The following MBOAT2 variants were observed in gnomAD, a reference collection of about 807,000 sequenced individuals.
MBOAT2 encodes membrane-bound glycerophospholipid O-acyltransferase 2.
Under a neutral mutation model 63.4 loss-of-function variants are expected in MBOAT2, and 28 were observed. The ratio of observed to expected loss-of-function variants is 0.44; its 90% CI spans 0.33 to 0.61. The LOEUF (loss-of-function observed/expected upper bound fraction) is 0.61, where lower values mean the gene tolerates loss of function less well. MBOAT2 is among the 20% of genes least tolerant of loss of function. The pLI, the probability that MBOAT2 is intolerant of heterozygous loss-of-function variation, is 0.03. For synonymous variants in MBOAT2, 211 were observed against 215.6 expected (o/e 0.98, Z 0.19); for missense variants, 470 against 605.8 (o/e 0.78, Z 2.35).
intron 3 of MBOAT2, among the ~76,000 whole-genome samples, chr2:8,913,474 C>T (rs1454295266): frequency 6.6e-6 from 1 of 151,026 alleles, no homozygotes; most frequent in African/African-American, 2.4e-5. Flanking sequence ...CGAACTCAAT[C>T]AGTAAGAAAA....
At chr2:8,874,831 A>C (rs1662588766) in intron 7 of MBOAT2, among the ~76,000 whole-genome samples, 1 of 152,192 alleles carries the variant, frequency 6.6e-6, no homozygotes, top group Admixed American at 6.5e-5. Context: ...AAGTCTAGCT[A>C]AAGATGACAC....
intron 3 of MBOAT2, among the ~76,000 whole-genome samples, chr2:8,940,844 A>T (rs181219184): frequency 1.3e-5 from 2 of 152,346 alleles, no homozygotes; most frequent in East Asian, 1.9e-4. Context: ...AGATAAATTC[A>T]AATCTTTCAT....
intron 2 of MBOAT2, among the ~76,000 whole-genome samples, chr2:8,953,683 G>A (rs778250879): frequency 4.6e-5 from 7 of 152,180 alleles, no homozygotes; most frequent in South Asian, 2.1e-4. Flanking sequence ...CCAAAGACTC[G>A]TCTTCAAGCT....
intron 4 of MBOAT2, among the ~76,000 whole-genome samples, chr2:8,895,110 G>A (rs1334822219): frequency 1.3e-5 from 2 of 152,258 alleles, no homozygotes; most frequent in Non-Finnish European, 1.5e-5. Flanking sequence ...ATTGTGAAGA[G>A]CAAAAGAATA....
intron 3 of MBOAT2, among the ~76,000 whole-genome samples, chr2:8,927,543 C>T (rs1345892266): frequency 6.6e-6 from 1 of 152,094 alleles, no homozygotes; most frequent in South Asian, 2.1e-4. Context: ...TCTCAAACAC[C>T]GGGCAGCCCA....
At chr2:8,911,433 T>G (rs1048760541) in intron 3 of MBOAT2, among the ~76,000 whole-genome samples, 1 of 152,198 alleles carries the variant, frequency 6.6e-6, no homozygotes, top group Non-Finnish European at 1.5e-5. Context: ...CTGTTGCACA[T>G]GTCTAACTCT....
At chr2:9,000,361 T>TGCTC (rs1672597873) in intron 1 of MBOAT2, among the ~76,000 whole-genome samples, 1 of 152,238 alleles carries the variant, frequency 6.6e-6, no homozygotes, top group Non-Finnish European at 1.5e-5. Context: ...TGCTCAACTT[T>TGCTC]AAAATAATGG....
Position 8,982,289 on chromosome 2 carries a change from C to T in MBOAT2, c.75+21251G>A, listed in dbSNP as rs78377840. ...ACGAGTAGGTAAGACCTGGAGAAAG[C>T]TGTACTACACTTCACAAAAAAATAT... On this transcript the variant is annotated intron_variant, in intron 1 of 12. Coordinates refer to ENST00000305997, the MANE Select transcript of MBOAT2 (RefSeq NM_138799.4). Among the ~76,000 whole-genome samples, 1,099 of 152,262 alleles carry T rather than the reference C, an allele frequency of 7.2e-3. 12 individuals are homozygous for T. Among genetic ancestry groups the T allele is most frequent in the South Asian group, 0.02 (98 of 4,830 alleles).
chr2:8,860,908 C>T (rs1661446914), intron 11 of MBOAT2, 144 bp from the exon 12 acceptor site: 1 of 623,570 alleles, frequency 1.6e-6, no homozygotes, highest in African/African-American at 1.9e-5. Flanking sequence ...TACACTGCTA[C>T]TATGGATAAA....
chr2:8,918,244 GAAAC>G lies in MBOAT2; in HGVS notation c.300-9532_300-9529del, dbSNP rs573982137. 6.5e-4 allele frequency among the ~76,000 whole-genome samples: 99 copies of G among 152,288 alleles called. 1 individual carries two copies. Among genetic ancestry groups the G allele is most frequent in the African/African-American group, 2.2e-3 (92 of 41,576 alleles). On this transcript the variant is annotated intron_variant, in intron 3 of 12. Coordinates refer to ENST00000305997, the MANE Select transcript of MBOAT2 (RefSeq NM_138799.4). ...ATAAAACTGATTAAGAAATTATTTGGAAACAAACAATTTTTGCACAAGCCCTTTG... is the reference window on the plus strand; with the variant it reads ...ATAAAACTGATTAAGAAATTATTTGGAAACAATTTTTGCACAAGCCCTTTG...
At chr2:8,970,972 T>C (rs574002332) in intron 1 of MBOAT2, among the ~76,000 whole-genome samples, 26 of 152,296 alleles carry the variant, frequency 1.7e-4, no homozygotes, top group African/African-American at 5.8e-4. Flanking sequence ...TCTGAAACTA[T>C]TCCAATCAAT....
chr2:8,992,749 C>T (rs140789618), intron 1 of MBOAT2, among the ~76,000 whole-genome samples: 121 of 152,340 alleles, frequency 7.9e-4, no homozygotes, highest in African/African-American at 2.7e-3. Context: ...CTTTGTCCAA[C>T]GCCTAGACAG....
chr2:8,865,175 G>A (rs900652409), intron 9 of MBOAT2, among the ~76,000 whole-genome samples: 2 of 152,126 alleles, frequency 1.3e-5, no homozygotes, highest in African/African-American at 4.8e-5. Context: ...CTACTGGACT[G>A]AACCATTTGA....
intron 3 of MBOAT2, among the ~76,000 whole-genome samples, chr2:8,925,012 G>A (rs1666841907): frequency 6.6e-6 from 1 of 152,006 alleles, no homozygotes; most frequent in South Asian, 2.1e-4. Context: ...TTAATAACAT[G>A]AAAAACTACC....
chr2:8,894,938 G>C (rs190017519), intron 4 of MBOAT2, among the ~76,000 whole-genome samples: 2 of 151,018 alleles, frequency 1.3e-5, no homozygotes, highest in East Asian at 3.9e-4. Context: ...GCAGACCTTC[G>C]TGGTGTTACA....
chr2:8,867,742 A>G (rs1216873165), intron 9 of MBOAT2, among the ~76,000 whole-genome samples: 2 of 152,212 alleles, frequency 1.3e-5, no homozygotes, highest in Non-Finnish European at 2.9e-5. Flanking sequence ...CCCCACTGGC[A>G]GTATATGGTT....
chr2:8,948,304 TACTGTGAAC>T, intron 2 of MBOAT2, among the ~76,000 whole-genome samples: 1 of 152,246 alleles, frequency 6.6e-6, no homozygotes, highest in East Asian at 1.9e-4. Context: ...CTGGTAAAGA[TACTGTGAAC>T]ACTGTTGAAA....
intron 2 of MBOAT2, among the ~76,000 whole-genome samples, chr2:8,945,798 C>T (rs1031461300): frequency 6.6e-6 from 1 of 151,796 alleles, no homozygotes; most frequent in Admixed American, 6.6e-5. Context: ...AATTTCAAGT[C>T]ACACTAAAGG....
At chr2:8,935,588 T>C (rs1163890456) in intron 3 of MBOAT2, among the ~76,000 whole-genome samples, 1 of 152,244 alleles carries the variant, frequency 6.6e-6, no homozygotes, top group African/African-American at 2.4e-5. Context: ...TTTGAAAGAT[T>C]TGATCTAGAA....
Sources: gnomAD v4.1 joint callset for allele counts (sites outside exome capture counted in the v4.1 genomes callset) on GRCh38, gnomAD v4.1.1 for gene constraint, MANE v1.5 for transcripts, NCBI Gene and HGNC (gene_info 2026-07-23, HGNC 2026-07-21) for gene names.